The following ZDHHC14 variants were observed in gnomAD, a reference collection of about 807,000 sequenced individuals.
The protein encoded by ZDHHC14 is palmitoyltransferase ZDHHC14.
A neutral mutation model predicts 47.7 loss-of-function variants in ZDHHC14; 16 were observed. The observed-to-expected ratio is 0.34, with a 90% CI of 0.23 to 0.51. The LOEUF (loss-of-function observed/expected upper bound fraction) is 0.51, where lower values mean the gene tolerates loss of function less well. Among genes scored for constraint, ZDHHC14 ranks in the 20% least tolerant of loss-of-function variants. ZDHHC14 has a pLI of 0.97. For synonymous variants in ZDHHC14, 293 were observed against 278.9 expected (o/e 1.05, Z -0.50); for missense variants, 515 against 662.5 (o/e 0.78, Z 2.44).
At chr6:157,638,496 CA>C (rs536362261) in intron 5 of ZDHHC14, among the ~76,000 whole-genome samples, 145 of 137,526 alleles carry the variant, frequency 1.1e-3, no homozygotes, top group Middle Eastern at 3.5e-3. Flanking sequence ...AGAGACTTCT[CA>C]AAAAAAAAAA....
Position 157,427,563 on chromosome 6 carries a change from A to G in ZDHHC14, c.245+45297A>G, listed in dbSNP as rs1228270240. ...ACCAGGAGGCTGGAAAGTCAACAGC[A>G]ATGGCAAAAGGGAAACTGATGTGAT... On this transcript the variant is annotated intron_variant, in intron 1 of 8. Transcript: ENST00000359775. The surrounding 1 kb of genome is among the most constrained non-coding windows in gnomAD (Gnocchi z 4.4). 6.6e-6 allele frequency among the ~76,000 whole-genome samples: 1 copy of G among 152,122 alleles called. No homozygotes were observed. The highest frequency in any genetic ancestry group is 1.9e-4 in the East Asian group (1 of 5,192).
chr6:157,556,507 T>G (rs866490574), intron 2 of ZDHHC14, among the ~76,000 whole-genome samples: 13 of 152,372 alleles, frequency 8.5e-5, no homozygotes, highest in Non-Finnish European at 1.6e-4. Flanking sequence ...GCCCTCACTG[T>G]GCTGTTTGGT....
intron 3 of ZDHHC14, among the ~76,000 whole-genome samples, chr6:157,608,156 G>A (rs562587137): frequency 8.5e-5 from 13 of 152,318 alleles, no homozygotes; most frequent in Admixed American, 2.6e-4. Context: ...CACGCTGTGC[G>A]TGCATGGATT....
intron 5 of ZDHHC14, among the ~76,000 whole-genome samples, chr6:157,633,746 A>G (rs1776830938): frequency 6.6e-6 from 1 of 152,172 alleles, no homozygotes; most frequent in Admixed American, 6.5e-5. Flanking sequence ...GTGCAGTGGC[A>G]CGATCTTGGC....
chr6:157,528,440 A>T (rs962709318), intron 1 of ZDHHC14, among the ~76,000 whole-genome samples: 5 of 152,066 alleles, frequency 3.3e-5, no homozygotes, highest in Middle Eastern at 3.4e-3. Context: ...TTAATTTAAA[A>T]AGCACGATAG....
At chr6:157,534,607 G>C (rs141299432) in intron 1 of ZDHHC14, among the ~76,000 whole-genome samples, 2,592 of 149,262 alleles carry the variant, frequency 0.017, 83 homozygotes, top group African/African-American at 0.06. Context: ...TCATGTTTTT[G>C]AGACAGGGTC....
chr6:157,514,382 C>T (rs1281153556), intron 1 of ZDHHC14, among the ~76,000 whole-genome samples: 1 of 152,216 alleles, frequency 6.6e-6, no homozygotes, highest in East Asian at 1.9e-4. Flanking sequence ...TGTGCTCACA[C>T]ACAGTCGGCT....
chr6:157,453,727 A>G (rs1778852033), intron 1 of ZDHHC14, among the ~76,000 whole-genome samples: 1 of 151,700 alleles, frequency 6.6e-6, no homozygotes, highest in Non-Finnish European at 1.5e-5. Flanking sequence ...ATGGGTGACT[A>G]CCTGGTCCAC....
intron 1 of ZDHHC14, among the ~76,000 whole-genome samples, chr6:157,382,598 C>T (rs1053663148): frequency 1.3e-5 from 2 of 152,098 alleles, no homozygotes; most frequent in African/African-American, 4.8e-5. Flanking sequence ...AGTTTGGGGA[C>T]CCAGCAAATC....
intron 2 of ZDHHC14, among the ~76,000 whole-genome samples, chr6:157,560,845 G>C (rs1475714309): frequency 6.6e-6 from 1 of 152,182 alleles, no homozygotes; most frequent in African/African-American, 2.4e-5. Flanking sequence ...GAAGCATTAT[G>C]AGGAACGGAT....
At chr6:157,456,507 G>A (rs547687459) in intron 1 of ZDHHC14, among the ~76,000 whole-genome samples, 54 of 152,210 alleles carry the variant, frequency 3.5e-4, no homozygotes, top group Middle Eastern at 3.4e-3. Flanking sequence ...GGCACTCAGC[G>A]CTGTTAGGGA....
At chr6:157,523,625 G>A (rs1214305196) in intron 1 of ZDHHC14, among the ~76,000 whole-genome samples, 1 of 152,064 alleles carries the variant, frequency 6.6e-6, no homozygotes, top group Admixed American at 6.5e-5. Flanking sequence ...GCTGGGCACA[G>A]TGGCTCATAT....
Position 157,673,282 on chromosome 6 carries a change from C to A in ZDHHC14, c.*160C>A. On this transcript the variant is annotated 3_prime_UTR_variant, in exon 9 of 9. Coordinates refer to ENST00000359775, the MANE Select transcript of ZDHHC14 (RefSeq NM_024630.3). This position sits in a 1 kb window ranked among gnomAD's most constrained non-coding sequence, Gnocchi z 5.4. Reference sequence around the variant, plus strand: ...GACCACTTAGGATGGCACAGGGTGGCTGGCCCCGGATGCTGAGAGCTTGGT... The same window carrying A: ...GACCACTTAGGATGGCACAGGGTGGATGGCCCCGGATGCTGAGAGCTTGGT... 1 of 951,506 alleles carries A rather than the reference C, an allele frequency of 1.1e-6. No individual in the cohort carries two copies. The highest frequency in any genetic ancestry group is 1.5e-6 in the Non-Finnish European group (1 of 686,766). 58.9% of individuals were successfully genotyped at this position (951,506 alleles called of 1,614,324 possible). A position where few individuals can be genotyped will look rare whatever the true frequency, so the allele number is the denominator to read the frequency against.
chr6:157,506,137 A>G (rs988975688), intron 1 of ZDHHC14, among the ~76,000 whole-genome samples: 1 of 152,196 alleles, frequency 6.6e-6, no homozygotes, highest in Non-Finnish European at 1.5e-5. Flanking sequence ...GTTAAATAGT[A>G]AGTTCTATTT....
intron 1 of ZDHHC14, among the ~76,000 whole-genome samples, chr6:157,446,856 T>C (rs1468620298): frequency 1.3e-5 from 2 of 152,112 alleles, no homozygotes; most frequent in African/African-American, 4.8e-5. Context: ...TGGTGGCTCA[T>C]GCCTATACTC....
intron 1 of ZDHHC14, among the ~76,000 whole-genome samples, chr6:157,400,856 C>G (rs892774625): frequency 3.9e-5 from 6 of 152,240 alleles, no homozygotes; most frequent in African/African-American, 1.4e-4. Context: ...GAGTGCCGGG[C>G]TCCCTGTGCA....
chr6:157,517,291 C>G (rs1003973241), intron 1 of ZDHHC14, among the ~76,000 whole-genome samples: 7 of 151,070 alleles, frequency 4.6e-5, no homozygotes, highest in African/African-American at 1.7e-4. Context: ...CACAGTACCC[C>G]CACTAAAAGA....
chr6:157,442,553 T>C (rs993025706), intron 1 of ZDHHC14, among the ~76,000 whole-genome samples: 1 of 152,252 alleles, frequency 6.6e-6, no homozygotes, highest in African/African-American at 2.4e-5. Flanking sequence ...TGTGCCGGTT[T>C]GTTGGTGGCA....
chr6:157,495,695 ATTTTTT>A (rs71027341), intron 1 of ZDHHC14, among the ~76,000 whole-genome samples: 8 of 104,348 alleles, frequency 7.7e-5, no homozygotes, highest in Non-Finnish European at 9.5e-5. Context: ...TTCGGGTTGA[ATTTTTT>A]TTTTTTTTTT....
Sources: allele counts gnomAD v4.1 joint callset (sites outside exome capture counted in the v4.1 genomes callset), GRCh38; gene constraint gnomAD v4.1.1; non-coding constraint Gnocchi (gnomAD v3.1); transcripts MANE v1.5; gene names NCBI Gene and HGNC (gene_info 2026-07-23, HGNC 2026-07-21).